Variants in SOX6 observed in about 807,000 individuals in gnomAD.
SOX6 encodes the protein SRY-box transcription factor 6.
A neutral mutation model predicts 97.8 loss-of-function variants in SOX6; 11 were observed. The observed-to-expected ratio is 0.11, with a 90% CI of 0.07 to 0.19. The LOEUF is 0.19. Among genes scored for constraint, SOX6 ranks in the 10% least tolerant of loss-of-function variants. SOX6 has a pLI of 1.00. For synonymous variants in SOX6, 360 were observed against 371.4 expected (o/e 0.97, Z 0.35); for missense variants, 810 against 1,039.5 (o/e 0.78, Z 3.04).
intron 9 of SOX6, among the ~76,000 whole-genome samples, chr11:16,084,423 G>A (rs1271117134): frequency 2.0e-5 from 3 of 151,932 alleles, no homozygotes; most frequent in South Asian, 4.1e-4. Flanking sequence ...GAATGAATAA[G>A]AGAGATACAA....
chr11:16,521,923 T>A (rs1443181165), intron 4 of SOX6, among the ~76,000 whole-genome samples: 1 of 151,912 alleles, frequency 6.6e-6, no homozygotes, highest in East Asian at 1.9e-4. Context: ...AAGAGAAGTT[T>A]AGAGAAAAAA....
chr11:16,678,900 G>A (rs1847904826), intron 3 of SOX6, among the ~76,000 whole-genome samples: 1 of 152,180 alleles, frequency 6.6e-6, no homozygotes, highest in South Asian at 2.1e-4. Context: ...GGTGGGGGGA[G>A]GGGCATCCGC....
intron 4 of SOX6, among the ~76,000 whole-genome samples, chr11:16,582,903 C>T (rs933051101): frequency 1.3e-5 from 2 of 151,872 alleles, no homozygotes; most frequent in African/African-American, 4.8e-5. Flanking sequence ...CCAAATTATT[C>T]CAGAGCATAG....
intron 4 of SOX6, among the ~76,000 whole-genome samples, chr11:16,204,514 C>T (rs1346992008): frequency 6.6e-6 from 1 of 151,686 alleles, no homozygotes; most frequent in African/African-American, 2.4e-5. Context: ...TTACAAAGGT[C>T]ACTGCATAGC....
intron 3 of SOX6, chr11:16,264,816 T>G (rs1356119909): frequency 1.4e-5 from 2 of 146,626 alleles, no homozygotes; most frequent in Non-Finnish European, 3.0e-5. Context: ...ATTACCCACT[T>G]CTAGCCAAGA....
At chr11:16,369,337 C>A (rs1326787368) in intron 1 of SOX6, among the ~76,000 whole-genome samples, 2 of 152,148 alleles carry the variant, frequency 1.3e-5, no homozygotes, top group Non-Finnish European at 2.9e-5. Flanking sequence ...TTCCACCAGT[C>A]TCCCTTACTC....
chr11:16,662,539 A>T (rs1289039691), intron 3 of SOX6, among the ~76,000 whole-genome samples: 2 of 152,204 alleles, frequency 1.3e-5, no homozygotes, highest in African/African-American at 4.8e-5. Flanking sequence ...TAATATTTTT[A>T]AAAAGGATAA....
chr11:16,255,951 A>G (rs1407888631), intron 3 of SOX6, among the ~76,000 whole-genome samples: 1 of 151,950 alleles, frequency 6.6e-6, no homozygotes, highest in Non-Finnish European at 1.5e-5. Context: ...CATAGCCACA[A>G]ACTTGATAGC....
chr11:15,973,836 A>G (rs902668291), intron 15 of SOX6, among the ~76,000 whole-genome samples: 2 of 152,098 alleles, frequency 1.3e-5, no homozygotes, highest in Non-Finnish European at 2.9e-5. Flanking sequence ...CTCACCCTAG[A>G]TCCCAGAGGG....
intron 9 of SOX6, among the ~76,000 whole-genome samples, chr11:16,057,836 G>C (rs372818400): frequency 4.7e-4 from 72 of 152,136 alleles, no homozygotes; most frequent in African/African-American, 1.7e-3. Flanking sequence ...TCCTATTCTT[G>C]TTATTAAGGA....
chr11:16,127,484 T>C (rs534878369), intron 6 of SOX6, among the ~76,000 whole-genome samples: 1 of 152,182 alleles, frequency 6.6e-6, no homozygotes, highest in East Asian at 1.9e-4. Context: ...CAATGTGATT[T>C]AAAAATAAGA....
In SOX6 at chr11:16,122,549, AC is replaced by A. The variant is rs1849519174; in HGVS notation, c.778-10627del. ...AAATTCAGATATAAACCGTTCATAA[AC>A]TTTTGACCCACAATGAAGGCAATCT... is the stretch of plus-strand genomic sequence containing the variant. On this transcript the variant is annotated intron_variant, in intron 6 of 15. Coordinates refer to ENST00000683767, the MANE Select transcript of SOX6 (RefSeq NM_001367873.1). 7.9e-5 allele frequency among the ~76,000 whole-genome samples: 12 copies of A among 152,158 alleles called. 1 individual carries two copies. The highest frequency in any genetic ancestry group is 7.9e-4 in the Admixed American group (12 of 15,248).
At chr11:16,288,447 T>C (rs1379694713) in intron 3 of SOX6, among the ~76,000 whole-genome samples, 1 of 152,048 alleles carries the variant, frequency 6.6e-6, no homozygotes, top group Admixed American at 6.6e-5. Context: ...GGGCATTAGA[T>C]ATACTAAATA....
chr11:16,501,833 C>T (rs987081787), intron 4 of SOX6, among the ~76,000 whole-genome samples: 1 of 152,052 alleles, frequency 6.6e-6, no homozygotes, highest in Non-Finnish European at 1.5e-5. Flanking sequence ...AGAGGATGTG[C>T]AGAAATAGAA....
intron 4 of SOX6, among the ~76,000 whole-genome samples, chr11:16,571,865 C>G (rs1273330595): frequency 6.6e-6 from 1 of 152,166 alleles, no homozygotes; most frequent in African/African-American, 2.4e-5. Flanking sequence ...GTTGGCCAGG[C>G]TGGTCTCAAA....
intron 1 of SOX6, among the ~76,000 whole-genome samples, chr11:16,462,744 G>A (rs1859955234): frequency 6.6e-6 from 1 of 152,120 alleles, no homozygotes; most frequent in Non-Finnish European, 1.5e-5. Context: ...TCCTCCCACA[G>A]TGACACACTT....
intron 6 of SOX6, among the ~76,000 whole-genome samples, chr11:16,162,219 T>G (rs1384495068): frequency 6.6e-6 from 1 of 152,182 alleles, no homozygotes; most frequent in Non-Finnish European, 1.5e-5. Flanking sequence ...AAGAATTAGG[T>G]TCAGAATATT....
intron 6 of SOX6, among the ~76,000 whole-genome samples, chr11:16,144,253 TG>T (rs1407013874): frequency 1.3e-5 from 2 of 152,188 alleles, no homozygotes; most frequent in Non-Finnish European, 2.9e-5. Context: ...GAATGACTGC[TG>T]GGTACATAAG....
At chr11:16,252,127 A>G (rs2134201021) in intron 3 of SOX6, among the ~76,000 whole-genome samples, 2 of 152,300 alleles carry the variant, frequency 1.3e-5, no homozygotes, top group South Asian at 2.1e-4. Context: ...CCTCTATGCA[A>G]TATTATCCTG....
Sources: gnomAD v4.1 joint callset for allele counts (sites outside exome capture counted in the v4.1 genomes callset) on GRCh38, gnomAD v4.1.1 for gene constraint, MANE v1.5 for transcripts, NCBI Gene and HGNC (gene_info 2026-07-23, HGNC 2026-07-21) for gene names.